MDM2: variants seen among roughly 807,000 people sequenced by gnomAD.
MDM2 encodes E3 ubiquitin-protein ligase Mdm2.
A neutral mutation model predicts 64.3 loss-of-function variants in MDM2; 11 were observed. The ratio of observed to expected loss-of-function variants is 0.17; its 90% CI spans 0.11 to 0.28. MDM2 has a LOEUF of 0.28. Among genes scored for constraint, MDM2 ranks in the 10% least tolerant of loss-of-function variants. The pLI is 1.00. For synonymous variants in MDM2, 194 were observed against 192.9 expected (o/e 1.01, Z -0.05); for missense variants, 388 against 577.1 (o/e 0.67, Z 3.36).
At chr12:68,847,455 T>TC (rs552956907), downstream of MDM2, 8 of 113,438 alleles carry the variant, frequency 7.1e-5, no homozygotes, top group Non-Finnish European at 1.1e-4. Flanking sequence ...CTCCTTTCTT[T>TC]TTTTTTTTTT....
At chr12:68,847,901 A>T (rs1291827012), downstream of MDM2, 1 of 152,290 alleles carries the variant, frequency 6.6e-6, no homozygotes, top group African/African-American at 2.4e-5. Context: ...TCTGTGACTC[A>T]CGCCTGTAAT....
intron 8 of MDM2, among the ~76,000 whole-genome samples, chr12:68,831,639 C>T (rs142958383): frequency 2.6e-5 from 4 of 152,220 alleles, no homozygotes; most frequent in Non-Finnish European, 4.4e-5. Context: ...TCTGGAGCTA[C>T]GAAAAACCTT....
chr12:68,813,648 A>ACTACTTATCTCTTG lies in MDM2; in HGVS notation c.174+20_174+21insCTACTTATCTCTTG. The ACTACTTATCTCTTG allele has an allele frequency of 2.5e-6, 4 of 1,570,266 alleles. No individual in the cohort carries two copies. Among genetic ancestry groups the ACTACTTATCTCTTG allele is most frequent in the African/African-American group, 1.4e-5 (1 of 74,006 alleles). Reference sequence around the variant, plus strand: ...AAAGAGGTAAGCTGAATCAAGAGATAAGTAGTATCTCACTAGTTACATGTA... The same window carrying ACTACTTATCTCTTG: ...AAAGAGGTAAGCTGAATCAAGAGATACTACTTATCTCTTGAGTAGTATCTCACTAGTTACATGTA... On this transcript the variant is annotated intron_variant, in intron 3 of 10. Transcript: ENST00000258149.
At chr12:68,818,116 A>G (rs1441852707) in intron 4 of MDM2, among the ~76,000 whole-genome samples, 1 of 152,112 alleles carries the variant, frequency 6.6e-6, no homozygotes, top group South Asian at 2.1e-4. Context: ...TCTTTGTCAC[A>G]TTTGGTTTAG....
Position 68,844,811 on chromosome 12 carries a change from G to A in MDM2, c.*4962G>A, listed in dbSNP as rs1592611113. Reference sequence around the variant, plus strand: ...AGACGGAGTCTTGCTCTGTGGCTCAGGCTGGAGTACAGTGGTGCAATCTTG... The same window carrying A: ...AGACGGAGTCTTGCTCTGTGGCTCAAGCTGGAGTACAGTGGTGCAATCTTG... On this transcript the variant is annotated 3_prime_UTR_variant, in exon 11 of 11. Coordinates refer to ENST00000258149, the MANE Select transcript of MDM2 (RefSeq NM_002392.6). 1.0e-5 allele frequency: 2 copies of A among 200,842 alleles called. No individual in the cohort carries two copies. The highest frequency in any genetic ancestry group is 7.7e-5 in the East Asian group (1 of 13,016). 12.4% of individuals were successfully genotyped at this position (200,842 alleles called of 1,614,324 possible).
chr12:68,809,286 G>A lies in MDM2; in HGVS notation c.93G>A (p.Glu31=). Residue 31 remains glutamate, a synonymous_variant, in exon 2 of 11, where the codon GAG becomes GAA. Coordinates refer to ENST00000258149, the MANE Select transcript of MDM2 (RefSeq NM_002392.6). The part of the protein sequence containing the change: ...TTSQIPASEQ[E]TLVRPKPLLL... ...CACAGATTCCAGCTTCGGAACAAGA[G>A]ACCCTGGTTAGTATTTTTGTCTCGT... The A allele has an allele frequency of 6.2e-7, 1 of 1,613,806 alleles. No homozygotes were observed.
At chr12:68,833,034 G>A (rs1340982027) in intron 8 of MDM2, among the ~76,000 whole-genome samples, 1 of 146,042 alleles carries the variant, frequency 6.8e-6, no homozygotes, top group Non-Finnish European at 1.5e-5. Context: ...GCTGAGGCAG[G>A]AGAATGGCGT....
chr12:68,824,401 T>C lies in MDM2; in HGVS notation c.397T>C (p.Cys133Arg). The C allele has an allele frequency of 6.2e-7, 1 of 1,613,862 alleles. No homozygotes were observed. The highest frequency in any genetic ancestry group is 8.5e-7 in the Non-Finnish European group (1 of 1,179,912). ...DSGTSVSENR[C>R]HLEGGSDQKD... ...AGGTACATCTGTGAGTGAGAACAGGTGTCACCTTGAAGGTGGGAGTGATCA... is the reference window on the plus strand; with the variant it reads ...AGGTACATCTGTGAGTGAGAACAGGCGTCACCTTGAAGGTGGGAGTGATCA... Residue 133 changes from cysteine to arginine, a missense_variant, in exon 6 of 11, where the codon TGT becomes CGT. Physicochemically the swap from Cys to Arg is radical, Grantham distance 180. Around this residue, in one of 5 missense-constraint regions of MDM2, gnomAD observed 168 missense variants for 236.6 expected, o/e 0.71. Coordinates refer to ENST00000258149, the MANE Select transcript of MDM2 (RefSeq NM_002392.6).
rs188877276 is a variant in MDM2, at chr12:68,829,006, G to A, written c.684+75G>A. On this transcript the variant is annotated intron_variant, in intron 8 of 10. Coordinates refer to ENST00000258149, the MANE Select transcript of MDM2 (RefSeq NM_002392.6). ...GTCCTGGCAGTCCTAATAAGGATAC[G>A]GATAGAATGTACATGTGTCTTACGA... 1.5e-4 allele frequency: 212 copies of A among 1,406,078 alleles called. 3 individuals carry two copies. In the South Asian group the frequency reaches 1.7e-3, roughly 11 times the overall value. The allele number at this position is 1,406,078 out of a possible 1,614,324, so 87.1% of individuals were successfully genotyped here. A position where few individuals can be genotyped will look rare whatever the true frequency, so the allele number is the denominator to read the frequency against.
In MDM2 at chr12:68,841,207, TAA is replaced by T. The variant is rs34886328; in HGVS notation, c.*1368_*1369del. 1.2e-3 allele frequency: 213 copies of T among 176,880 alleles called. No individual in the cohort carries two copies. Among genetic ancestry groups the T allele is most frequent in the East Asian group, 4.7e-3 (49 of 10,442 alleles). The allele number at this position is 176,880 out of a possible 1,614,324, so 11.0% of individuals were successfully genotyped here. A position where few individuals can be genotyped will look rare whatever the true frequency, so the allele number is the denominator to read the frequency against. ...TCTCTCCAAAATACTCTTTCTAGGT[TAA>T]AAAAAAAAAGGCTCTTATATTTGGT... is the stretch of plus-strand genomic sequence containing the variant. On this transcript the variant is annotated 3_prime_UTR_variant, in exon 11 of 11. Coordinates refer to ENST00000258149, the MANE Select transcript of MDM2 (RefSeq NM_002392.6).
downstream of MDM2, chr12:68,845,893 A>T (rs1884254299): frequency 6.6e-6 from 1 of 152,510 alleles, no homozygotes; most frequent in East Asian, 1.9e-4. Flanking sequence ...CCTCCCAAGT[A>T]GCTGGGGACC....
At chr12:68,823,323 T>C (rs1882026027) in intron 5 of MDM2, among the ~76,000 whole-genome samples, 1 of 152,202 alleles carries the variant, frequency 6.6e-6, no homozygotes, top group Non-Finnish European at 1.5e-5. Context: ...ACTTTTGAGC[T>C]CAAAGTCTGT....
Position 68,844,798 on chromosome 12 carries a change from G to A in MDM2, c.*4949G>A, listed in dbSNP as rs1884129789. 1.5e-5 allele frequency: 3 copies of A among 200,746 alleles called. No individual in the cohort carries two copies. In the East Asian group the frequency reaches 2.3e-4, roughly 15 times the overall value. 12.4% of individuals were successfully genotyped at this position (200,746 alleles called of 1,614,324 possible). A position where few individuals can be genotyped will look rare whatever the true frequency, so the allele number is the denominator to read the frequency against. On this transcript the variant is annotated 3_prime_UTR_variant, in exon 11 of 11. Coordinates refer to ENST00000258149, the MANE Select transcript of MDM2 (RefSeq NM_002392.6). The stretch of plus-strand genomic sequence containing the variant: ...TATTTATTTTTTGAGACGGAGTCTT[G>A]CTCTGTGGCTCAGGCTGGAGTACAG...
At chr12:68,814,571 C>A in intron 3 of MDM2, 1 of 362,188 alleles carries the variant, frequency 2.8e-6, no homozygotes, top group Non-Finnish European at 5.3e-6. Context: ...TTTTCCCATC[C>A]AAATTAATGG....
intron 1 of MDM2, among the ~76,000 whole-genome samples, chr12:68,808,700 A>G (rs1462170544): frequency 3.8e-5 from 4 of 104,922 alleles, no homozygotes; most frequent in Non-Finnish European, 1.9e-5. Context: ...GGAGGGCGGG[A>G]TTTCGGACGG....
At chr12:68,816,993 T>C (rs1881438974) in intron 4 of MDM2, 48 bp downstream of exon 4, 2 of 1,597,066 alleles carry the variant, frequency 1.3e-6, no homozygotes, top group Non-Finnish European at 1.7e-6. Flanking sequence ...GGGCTAACAT[T>C]TCAGTTCACC....
At chr12:68,849,860 G>A (rs111861173), downstream of MDM2, 4,063 of 152,442 alleles carry the variant, frequency 0.027, 75 homozygotes, top group Non-Finnish European at 0.042. Flanking sequence ...TGATCCAGTC[G>A]CCTCGGCCTC....
Position 68,833,318 on chromosome 12 carries a change from A to ATAT in MDM2, c.685-2510_685-2509insATT. Among the ~76,000 whole-genome samples the ATAT allele has an allele frequency of 6.1e-4, 59 of 96,006 alleles. 7 individuals are homozygous for ATAT. Among genetic ancestry groups the ATAT allele is most frequent in the African/African-American group, 1.7e-3 (44 of 26,250 alleles). The allele number at this position is 96,006 out of a possible 152,430, so 63.0% of individuals were successfully genotyped here. ...ATATTTATATAAATATAAAAATATAATTATATAAATATAAAAATATATATT... is the reference window on the plus strand; with the variant it reads ...ATATTTATATAAATATAAAAATATAATATTTATATAAATATAAAAATATATATT... On this transcript the variant is annotated intron_variant, in intron 8 of 10. Transcript: ENST00000258149.
chr12:68,823,034 C>T (rs1430253930), intron 5 of MDM2, among the ~76,000 whole-genome samples: 9 of 152,182 alleles, frequency 5.9e-5, no homozygotes, highest in Admixed American at 5.9e-4. Context: ...AGCCACTGCA[C>T]CCACCCAGCC....
Sources: allele counts gnomAD v4.1 joint callset (sites outside exome capture counted in the v4.1 genomes callset), GRCh38; gene constraint gnomAD v4.1.1; regional missense constraint gnomAD v4.1.1; transcripts MANE v1.5; gene names NCBI Gene and HGNC (gene_info 2026-07-23, HGNC 2026-07-21).